RAD54L2: variants seen among roughly 807,000 people sequenced by gnomAD.
RAD54L2 encodes the protein RAD54 like 2.
A neutral mutation model predicts 138.4 loss-of-function variants in RAD54L2; 27 were observed. That is an observed-to-expected ratio of 0.20 (90% CI 0.14 to 0.27). The LOEUF is 0.27. Ranked by LOEUF, RAD54L2 falls within the 10% of genes least tolerant of loss-of-function variation. The pLI, the probability that RAD54L2 is intolerant of heterozygous loss-of-function variation, is 1.00. For synonymous variants in RAD54L2, 644 were observed against 723.2 expected, an observed-to-expected ratio of 0.89 and a Z score of 1.76; for missense variants, 1,396 against 1,890.2, an observed-to-expected ratio of 0.74 and a Z score of 4.85.
In RAD54L2 at chr3:51,664,574, A is replaced by AG. The variant is rs1701874163; in HGVS notation, c.*1157dup. ...GGGTGGGGGGAGGTTAGGGGTAAGG[A>AG]GGGTAGGTGATAGAAAGGGAAGTTT... On this transcript the variant is annotated 3_prime_UTR_variant, in exon 23 of 23. Coordinates refer to ENST00000684192, the MANE Select transcript of RAD54L2 (RefSeq NM_015106.4). 6.6e-6 allele frequency: 1 copy of AG among 151,970 alleles called. No individual in the cohort carries two copies. 9.4% of individuals were successfully genotyped at this position (151,970 alleles called of 1,614,324 possible).
intron 3 of RAD54L2, among the ~76,000 whole-genome samples, chr3:51,597,616 T>G (rs1280391440): frequency 1.3e-5 from 2 of 151,962 alleles, no homozygotes; most frequent in East Asian, 3.9e-4. Flanking sequence ...TCACCTGAGG[T>G]CAGGAGTTAG....
chr3:51,607,393 A>G (rs1433196295), intron 3 of RAD54L2, among the ~76,000 whole-genome samples: 2 of 152,216 alleles, frequency 1.3e-5, no homozygotes, highest in Non-Finnish European at 2.9e-5. Context: ...TAGTGGACAC[A>G]GCACATGTTT....
chr3:51,613,322 C>T (rs1455671236), intron 3 of RAD54L2, among the ~76,000 whole-genome samples: 1 of 152,154 alleles, frequency 6.6e-6, no homozygotes, highest in Non-Finnish European at 1.5e-5. Context: ...TCTTCTTTTA[C>T]CTCTAGCTGA....
intron 2 of RAD54L2, among the ~76,000 whole-genome samples, chr3:51,573,863 A>G (rs1699398506): frequency 6.6e-6 from 1 of 152,174 alleles, no homozygotes; most frequent in African/African-American, 2.4e-5. Flanking sequence ...TTTAAAAATT[A>G]TACTTTAAGT....
At chr3:51,639,215 A>G in intron 12 of RAD54L2, 1 of 595,740 alleles carries the variant, frequency 1.7e-6, no homozygotes, top group East Asian at 2.8e-5. Context: ...GCATGCTGCC[A>G]TTCATGTGTC....
chr3:51,553,666 A>G (rs568063463), intron 2 of RAD54L2, among the ~76,000 whole-genome samples: 9 of 152,228 alleles, frequency 5.9e-5, no homozygotes, highest in African/African-American at 2.2e-4. Flanking sequence ...GTCTCTACAA[A>G]ACGTTTTAAA....
At chr3:51,619,159 G>A (rs1232512957) in intron 3 of RAD54L2, among the ~76,000 whole-genome samples, 1 of 152,172 alleles carries the variant, frequency 6.6e-6, no homozygotes, top group Non-Finnish European at 1.5e-5. Flanking sequence ...CCGGGTTCAA[G>A]CAATTCTCCT....
At chr3:51,582,955 C>CG (rs1230844654) in intron 2 of RAD54L2, among the ~76,000 whole-genome samples, 1 of 152,018 alleles carries the variant, frequency 6.6e-6, no homozygotes, top group African/African-American at 2.4e-5. Context: ...TTAGTAGAGA[C>CG]GGGGTTTCAC....
intron 2 of RAD54L2, among the ~76,000 whole-genome samples, chr3:51,551,158 G>T (rs1048346162): frequency 6.6e-6 from 1 of 151,748 alleles, no homozygotes; most frequent in East Asian, 1.9e-4. Flanking sequence ...GTTGAGACAA[G>T]GTCTCAGTCT....
chr3:51,587,514 A>G (rs1699735441), intron 2 of RAD54L2, among the ~76,000 whole-genome samples: 1 of 152,290 alleles, frequency 6.6e-6, no homozygotes, highest in Middle Eastern at 3.4e-3. Flanking sequence ...CTGTCCCTTA[A>G]TGCCCTTTGC....
rs139648304 is a variant in RAD54L2, at chr3:51,663,089, C to T, written c.4073C>T (p.Thr1358Met). The T allele has an allele frequency of 1.7e-5, 28 of 1,613,878 alleles. No individual in the cohort carries two copies. Among genetic ancestry groups the T allele is most frequent in the African/African-American group, 1.3e-4 (10 of 74,922 alleles). ...GCAGGCCCCGTCAGTTCCTCTTCCA[C>T]GGCTACCTCAGTCACTGCCAGCAAC... is the stretch of plus-strand genomic sequence containing the variant. Reference protein sequence around the residue: ...VPAGPVSSSSTATSVTASNPS... With the variant: ...VPAGPVSSSSMATSVTASNPS... Residue 1358 changes from threonine to methionine, a missense_variant, in exon 23 of 23, where the codon ACG (threonine) becomes ATG (methionine). Coordinates refer to ENST00000684192, the MANE Select transcript of RAD54L2 (RefSeq NM_015106.4).
At chr3:51,547,544 C>T (rs60823123) in intron 2 of RAD54L2, among the ~76,000 whole-genome samples, 18 of 150,154 alleles carry the variant, frequency 1.2e-4, no homozygotes, top group South Asian at 2.1e-4. Context: ...GCATACTTTG[C>T]GTATGTATGA....
In RAD54L2 at chr3:51,664,709, T is replaced by C. The variant is rs932920945; in HGVS notation, c.*1289T>C. The C allele has an allele frequency of 6.6e-6, 1 of 152,124 alleles. No homozygotes were observed. The highest frequency in any genetic ancestry group is 6.5e-5 in the Admixed American group (1 of 15,276). The allele number at this position is 152,124 out of a possible 1,614,324, so 9.4% of individuals were successfully genotyped here. A position where few individuals can be genotyped will look rare whatever the true frequency, so the allele number is the denominator to read the frequency against. On this transcript the variant is annotated 3_prime_UTR_variant, in exon 23 of 23. Transcript: ENST00000684192. Reference sequence around the variant, plus strand: ...CAAGGTTTGGATTAAACAACTATATTTTTGAGAGATGGCTTTTCAGGAAGA... The same window carrying C: ...CAAGGTTTGGATTAAACAACTATATCTTTGAGAGATGGCTTTTCAGGAAGA...
chr3:51,564,463 G>A (rs570867868), intron 2 of RAD54L2, among the ~76,000 whole-genome samples: 59 of 152,340 alleles, frequency 3.9e-4, no homozygotes, highest in African/African-American at 1.4e-3. Context: ...TAAACATAGA[G>A]TCAGGTGTTA....
At chr3:51,649,128 A>G (rs533098532) in intron 19 of RAD54L2, among the ~76,000 whole-genome samples, 2 of 152,210 alleles carry the variant, frequency 1.3e-5, no homozygotes, top group East Asian at 3.9e-4. Context: ...TGGAGCTGAA[A>G]ACCATGGCAC....
chr3:51,656,018 C>G lies in RAD54L2; in HGVS notation c.3074C>G (p.Pro1025Arg), dbSNP rs780397995. Residue 1025 changes from proline to arginine, a missense_variant, in exon 20 of 23, where the codon CCT (proline) becomes CGT (arginine). Around this residue, in one of 7 missense-constraint regions of RAD54L2, gnomAD observed 634 missense variants for 711.2 expected, o/e 0.89. Coordinates refer to ENST00000684192, the MANE Select transcript of RAD54L2 (RefSeq NM_015106.4). ...GDEKPVASVR[P>R]VQSTPIPMMP... ...GAAAAGCCTGTGGCCAGTGTTCGTC[C>G]TGTGCAGTCCACCCCCATCCCCATG... 1.9e-6 allele frequency: 3 copies of G among 1,613,892 alleles called. No individual in the cohort carries two copies. The South Asian group carries it at 3.3e-5, about 18-fold the overall frequency.
chr3:51,638,122 T>C lies in RAD54L2; in HGVS notation c.1683-22T>C, dbSNP rs2106811893. On this transcript the variant is annotated intron_variant, in intron 11 of 22. Coordinates refer to ENST00000684192, the MANE Select transcript of RAD54L2 (RefSeq NM_015106.4). The surrounding 1 kb of genome is among the most constrained non-coding windows in gnomAD (Gnocchi z 4.3). Reference sequence around the variant, plus strand: ...CTCCTGGCCACACTACCTTGCCGTTTCTGTTCTGTTTGCCTCCATAGGAGA... The same window carrying C: ...CTCCTGGCCACACTACCTTGCCGTTCCTGTTCTGTTTGCCTCCATAGGAGA... 6.2e-7 allele frequency: 1 copy of C among 1,612,290 alleles called. No individual in the cohort carries two copies. The highest frequency in any genetic ancestry group is 8.5e-7 in the Non-Finnish European group (1 of 1,178,602).
At chr3:51,611,231 G>T (rs1339520215) in intron 3 of RAD54L2, among the ~76,000 whole-genome samples, 1 of 150,864 alleles carries the variant, frequency 6.6e-6, no homozygotes, top group Non-Finnish European at 1.5e-5. Context: ...GTTCAGATGG[G>T]TTAACAGGGA....
chr3:51,620,621 C>T (rs1700550018), intron 3 of RAD54L2, among the ~76,000 whole-genome samples: 1 of 151,940 alleles, frequency 6.6e-6, no homozygotes, highest in African/African-American at 2.4e-5. Context: ...CAAAGCTACT[C>T]ATTTGCCTAG....
Sources: gnomAD v4.1 joint callset for allele counts (sites outside exome capture counted in the v4.1 genomes callset) on GRCh38, gnomAD v4.1.1 for gene constraint, gnomAD v4.1.1 regional missense constraint, Gnocchi (gnomAD v3.1) non-coding constraint, MANE v1.5 for transcripts, NCBI Gene and HGNC (gene_info 2026-07-23, HGNC 2026-07-21) for gene names.